NKAIN2: variants seen among roughly 807,000 people sequenced by gnomAD.
The protein encoded by NKAIN2 is sodium/potassium-transporting ATPase subunit beta-1-interacting protein 2.
A neutral mutation model predicts 32.6 loss-of-function variants in NKAIN2; 14 were observed. The ratio of observed to expected loss-of-function variants is 0.43; its 90% CI spans 0.28 to 0.67. The LOEUF (loss-of-function observed/expected upper bound fraction) is 0.67. NKAIN2 is among the 30% of genes least tolerant of loss of function. The probability of loss-of-function intolerance (pLI) is 0.17; values close to 1 mark genes in which losing one functional copy is unlikely to be tolerated. For missense variants in NKAIN2, 198 were observed against 258.3 expected, an observed-to-expected ratio of 0.77 and a Z score of 1.60; for synonymous variants, 80 against 87.2, an observed-to-expected ratio of 0.92 and a Z score of 0.46.
chr6:124,350,848 G>A (rs138061906), intron 2 of NKAIN2, among the ~76,000 whole-genome samples: 14 of 152,264 alleles, frequency 9.2e-5, no homozygotes, highest in East Asian at 3.9e-4. Context: ...TCATAGCTGC[G>A]CATGGTGGCA....
chr6:124,635,514 A>G (rs1045709258), intron 3 of NKAIN2, among the ~76,000 whole-genome samples: 6 of 152,078 alleles, frequency 3.9e-5, no homozygotes, highest in African/African-American at 1.4e-4. Flanking sequence ...TTCCCAATTA[A>G]GAGACATAGA....
intron 1 of NKAIN2, among the ~76,000 whole-genome samples, chr6:124,058,582 A>T (rs558083932): frequency 6.6e-6 from 1 of 152,186 alleles, no homozygotes; most frequent in African/African-American, 2.4e-5. Context: ...CTTGCCCTCA[A>T]TAAATGTTAC....
chr6:124,579,689 C>T (rs970276446), intron 3 of NKAIN2, among the ~76,000 whole-genome samples: 2 of 152,106 alleles, frequency 1.3e-5, no homozygotes, highest in African/African-American at 4.8e-5. Flanking sequence ...CAGAGAACTT[C>T]CCAAACTTAG....
chr6:124,562,434 A>G (rs1440229414), intron 3 of NKAIN2, among the ~76,000 whole-genome samples: 2 of 152,220 alleles, frequency 1.3e-5, no homozygotes, highest in Non-Finnish European at 2.9e-5. Flanking sequence ...AAATAAACAG[A>G]TAGTGTCAAA....
rs944684003 is a variant in NKAIN2 at position 124,824,259 on chromosome 6, A to G, written c.*1030A>G. Reference sequence around the variant, plus strand: ...TTCTATCAACAGAGGCCAACTGAATATGTATTAGCTATGTTTACTCTTTTA... The same window carrying G: ...TTCTATCAACAGAGGCCAACTGAATGTGTATTAGCTATGTTTACTCTTTTA... On this transcript the variant is annotated 3_prime_UTR_variant, in exon 7 of 7. Transcript: ENST00000368417. 1 of 152,572 alleles carries G rather than the reference A, an allele frequency of 6.6e-6. No individual in the cohort carries two copies. The allele number at this position is 152,572 out of a possible 1,614,324, so 9.5% of individuals were successfully genotyped here.
At chr6:124,036,185 G>A (rs372808030) in intron 1 of NKAIN2, among the ~76,000 whole-genome samples, 2 of 152,146 alleles carry the variant, frequency 1.3e-5, no homozygotes, top group African/African-American at 2.4e-5. Flanking sequence ...TTTTCTCCAC[G>A]CCAGATTTTC....
At chr6:124,710,898 G>A (rs186120266) in intron 4 of NKAIN2, among the ~76,000 whole-genome samples, 2,617 of 150,664 alleles carry the variant, frequency 0.017, 38 homozygotes, top group Middle Eastern at 0.027. Flanking sequence ...TATTTTGCTC[G>A]TTAGTTGATG....
intron 3 of NKAIN2, among the ~76,000 whole-genome samples, chr6:124,503,817 T>G (rs1413153408): frequency 6.6e-6 from 1 of 152,134 alleles, no homozygotes; most frequent in East Asian, 1.9e-4. Flanking sequence ...TTTTTCAACA[T>G]CAAAGCAGAA....
Position 124,658,252 on chromosome 6 carries a change from G to A in NKAIN2, c.340G>A (p.Gly114Arg). 6.2e-7 allele frequency: 1 copy of A among 1,614,080 alleles called. No homozygotes were observed. The highest frequency in any genetic ancestry group is 8.5e-7 in the Non-Finnish European group (1 of 1,179,978). The change falls in exon 4 of 7, where the codon GGA becomes AGA. Residue 114 changes from glycine (G) to arginine (R), a missense_variant. Coordinates refer to ENST00000368417, the MANE Select transcript of NKAIN2 (RefSeq NM_001040214.3). ...HRSWWMENGPGCTVTSVTPAP... is the reference protein window; with the variant it reads ...HRSWWMENGPRCTVTSVTPAP... The stretch of plus-strand genomic sequence containing the variant: ...ATCTTGGTGGATGGAGAATGGACCA[G>A]GATGTACGGTGACGTCAGTGACACC...
chr6:123,852,364 C>A (rs556166784), intron 1 of NKAIN2, among the ~76,000 whole-genome samples: 6 of 152,138 alleles, frequency 3.9e-5, no homozygotes, highest in African/African-American at 7.2e-5. Context: ...ACTATTGCAC[C>A]TCTGATATAC....
At position 124,205,209 on chromosome 6, in the gene NKAIN2, A is replaced by C. The variant is rs551645308; in HGVS notation, c.55-77796A>C. Among the ~76,000 whole-genome samples the C allele has an allele frequency of 1.3e-4, 20 of 151,982 alleles. No homozygotes were observed. In the East Asian group the frequency reaches 3.9e-3, roughly 29 times the overall value. ...ATGAAGATGGCTATGAAGGTTAATG[A>C]GACATGGACAATTCCGTGAGGAAGG... is the stretch of plus-strand genomic sequence containing the variant. On this transcript the variant is annotated intron_variant, in intron 1 of 6. Transcript: ENST00000368417.
chr6:124,803,297 TG>T (rs1780351880), intron 5 of NKAIN2, among the ~76,000 whole-genome samples: 1 of 152,212 alleles, frequency 6.6e-6, no homozygotes, highest in Non-Finnish European at 1.5e-5. Flanking sequence ...TGCCCAAATC[TG>T]AGAGGAACAG....
Position 124,620,817 on chromosome 6 carries a change from A to G in NKAIN2, c.274-37369A>G, listed in dbSNP as rs146331386. On this transcript the variant is annotated intron_variant, in intron 3 of 6. Transcript: ENST00000368417. ...AATGAGCACAGCCTACCCAAGCTAAAAAGATATTCTCTTAACTCCTGCTAA... is the reference window on the plus strand; with the variant it reads ...AATGAGCACAGCCTACCCAAGCTAAGAAGATATTCTCTTAACTCCTGCTAA... Among the ~76,000 whole-genome samples the G allele has an allele frequency of 3.3e-3, 496 of 152,328 alleles. 1 individual carries two copies. Among genetic ancestry groups the G allele is most frequent in the African/African-American group, 0.011 (472 of 41,582 alleles).
At chr6:124,065,300 C>T (rs981631415) in intron 1 of NKAIN2, among the ~76,000 whole-genome samples, 1 of 152,020 alleles carries the variant, frequency 6.6e-6, no homozygotes, top group African/African-American at 2.4e-5. Flanking sequence ...TATGCACTCA[C>T]TAGCTGCCTT....
intron 3 of NKAIN2, among the ~76,000 whole-genome samples, chr6:124,493,239 C>A (rs1354242084): frequency 6.6e-6 from 1 of 151,888 alleles, no homozygotes; most frequent in South Asian, 2.1e-4. Flanking sequence ...TACTTGAAAA[C>A]ATATTTAGCC....
At chr6:123,872,678 A>G (rs1024827074) in intron 1 of NKAIN2, among the ~76,000 whole-genome samples, 2 of 152,238 alleles carry the variant, frequency 1.3e-5, no homozygotes, top group African/African-American at 4.8e-5. Flanking sequence ...TGAGTTGATA[A>G]TCACCAAGAA....
At chr6:124,424,210 G>T (rs1474254420) in intron 3 of NKAIN2, among the ~76,000 whole-genome samples, 1 of 152,006 alleles carries the variant, frequency 6.6e-6, no homozygotes, top group Non-Finnish European at 1.5e-5. Context: ...AGCCAGGATG[G>T]TCTCCATCTC....
chr6:124,632,661 G>A (rs983172750), intron 3 of NKAIN2, among the ~76,000 whole-genome samples: 3 of 152,090 alleles, frequency 2.0e-5, no homozygotes, highest in Admixed American at 6.5e-5. Context: ...TATAAAAGCT[G>A]CAAAGAGCTT....
At chr6:123,963,389 T>C (rs983818261) in intron 1 of NKAIN2, among the ~76,000 whole-genome samples, 5 of 152,120 alleles carry the variant, frequency 3.3e-5, no homozygotes, top group Non-Finnish European at 5.9e-5. Context: ...TCAAACGCCA[T>C]TGGAATGCTT....
Sources: gnomAD v4.1 joint callset for allele counts (sites outside exome capture counted in the v4.1 genomes callset) on GRCh38, gnomAD v4.1.1 for gene constraint, MANE v1.5 for transcripts, NCBI Gene and HGNC (gene_info 2026-07-23, HGNC 2026-07-21) for gene names.